FAT3: variants seen among roughly 807,000 people sequenced by gnomAD.
FAT3 encodes the protein FAT atypical cadherin 3.
In FAT3, 95 loss-of-function variants were observed where a neutral mutation model predicts 310.2. The observed-to-expected ratio is 0.31, with a 90% CI of 0.26 to 0.36. The LOEUF (loss-of-function observed/expected upper bound fraction) is 0.36. FAT3 is among the 10% of genes least tolerant of loss of function. The pLI, the probability that FAT3 is intolerant of heterozygous loss-of-function variation, is 1.00. For missense variants in FAT3, 5,408 were observed against 5,715.6 expected, an observed-to-expected ratio of 0.95 and a Z score of 1.74; for synonymous variants, 2,314 against 2,192.9, an observed-to-expected ratio of 1.06 and a Z score of -1.54.
chr11:92,270,665 G>A (rs1049083368), intron 1 of FAT3, among the ~76,000 whole-genome samples: 1 of 151,956 alleles, frequency 6.6e-6, no homozygotes, highest in African/African-American at 2.4e-5. Flanking sequence ...CAGCCTGGGG[G>A]ACAAGAGCAA....
intron 1 of FAT3, among the ~76,000 whole-genome samples, chr11:92,329,059 CTCT>C (rs2134525700): frequency 6.6e-6 from 1 of 151,482 alleles, no homozygotes; most frequent in Admixed American, 6.6e-5. Flanking sequence ...ATTCTAATCC[CTCT>C]TCTTTTATTT....
At chr11:92,266,310 A>G (rs1945947519) in intron 1 of FAT3, among the ~76,000 whole-genome samples, 1 of 152,126 alleles carries the variant, frequency 6.6e-6, no homozygotes, top group Non-Finnish European at 1.5e-5. Context: ...TACCCTCGAC[A>G]ATGTATTTTC....
intron 3 of FAT3, among the ~76,000 whole-genome samples, chr11:92,607,662 G>A (rs558479554): frequency 6.6e-6 from 1 of 152,208 alleles, no homozygotes; most frequent in African/African-American, 2.4e-5. Context: ...CAAATGCTGA[G>A]CATCCTTGTG....
intron 4 of FAT3, among the ~76,000 whole-genome samples, chr11:92,758,989 T>C (rs144072903): frequency 1.1e-3 from 174 of 152,236 alleles, no homozygotes; most frequent in African/African-American, 3.9e-3. Context: ...ATCCAGAAAG[T>C]AGATTACTAG....
intron 1 of FAT3, among the ~76,000 whole-genome samples, chr11:92,252,625 C>T (rs541810158): frequency 1.8e-4 from 28 of 152,276 alleles, no homozygotes; most frequent in African/African-American, 6.5e-4. Flanking sequence ...CCTTTCCTTA[C>T]ATTTTCTTTT....
chr11:92,309,266 G>A (rs1335411252), intron 1 of FAT3, among the ~76,000 whole-genome samples: 1 of 147,142 alleles, frequency 6.8e-6, no homozygotes, highest in African/African-American at 2.5e-5. Flanking sequence ...TTCCATATGT[G>A]GGTCACATCC....
At chr11:92,793,947 A>G (rs1460205770) in intron 9 of FAT3, among the ~76,000 whole-genome samples, 2 of 152,148 alleles carry the variant, frequency 1.3e-5, no homozygotes, top group African/African-American at 4.8e-5. Flanking sequence ...AAAAAAAAAA[A>G]GTTCTTTCAT....
intron 2 of FAT3, among the ~76,000 whole-genome samples, chr11:92,519,594 CT>C (rs1176611759): frequency 2.0e-5 from 3 of 151,982 alleles, no homozygotes; most frequent in Non-Finnish European, 4.4e-5. Context: ...AAGCCACAGA[CT>C]GGGGGGGAAG....
intron 3 of FAT3, among the ~76,000 whole-genome samples, chr11:92,650,220 GGTTATTT>G (rs1471720870): frequency 6.6e-6 from 1 of 151,894 alleles, no homozygotes; most frequent in African/African-American, 2.4e-5. Context: ...TGCTCTTGAG[GGTTATTT>G]GTTCTAGCCT....
intron 2 of FAT3, among the ~76,000 whole-genome samples, chr11:92,470,621 T>C (rs1269752657): frequency 6.6e-6 from 1 of 152,158 alleles, no homozygotes; most frequent in Non-Finnish European, 1.5e-5. Flanking sequence ...ACTTCTTGGG[T>C]TATTATTTTT....
intron 25 of FAT3, among the ~76,000 whole-genome samples, chr11:92,888,214 C>CA (rs1949839297): frequency 6.6e-6 from 1 of 152,196 alleles, no homozygotes; most frequent in African/African-American, 2.4e-5. Context: ...ACTGGGACAA[C>CA]AAATCACCTA....
chr11:92,324,938 C>G (rs1359732472), intron 1 of FAT3, among the ~76,000 whole-genome samples: 1 of 152,222 alleles, frequency 6.6e-6, no homozygotes, highest in Non-Finnish European at 1.5e-5. Context: ...TAACTGAAGA[C>G]TGACACCAGG....
At chr11:92,226,380 T>C (rs936679002) in intron 1 of FAT3, among the ~76,000 whole-genome samples, 3 of 151,956 alleles carry the variant, frequency 2.0e-5, no homozygotes, top group Non-Finnish European at 4.4e-5. Flanking sequence ...TTTTATTCAC[T>C]TTCCACCGTT....
At chr11:92,564,071 A>G (rs1211227852) in intron 3 of FAT3, among the ~76,000 whole-genome samples, 1 of 152,236 alleles carries the variant, frequency 6.6e-6, no homozygotes, top group Admixed American at 6.5e-5. Context: ...TAAATGCTCC[A>G]ATTAAAAGAC....
At chr11:92,605,474 G>A (rs35780232) in intron 3 of FAT3, among the ~76,000 whole-genome samples, 22,107 of 152,146 alleles carry the variant, frequency 0.15, 1,756 homozygotes, top group African/African-American at 0.18. Flanking sequence ...CCTAGGATAA[G>A]TAATTATTTG....
intron 19 of FAT3, among the ~76,000 whole-genome samples, chr11:92,851,224 C>T (rs1948822578): frequency 6.6e-6 from 1 of 152,136 alleles, no homozygotes; most frequent in Non-Finnish European, 1.5e-5. Flanking sequence ...AAAAGGACAA[C>T]AAGGGAAAAG....
chr11:92,468,314 G>C (rs994112341), intron 2 of FAT3, among the ~76,000 whole-genome samples: 2 of 152,134 alleles, frequency 1.3e-5, no homozygotes, highest in South Asian at 4.1e-4. Context: ...TTAGACAAAA[G>C]GACACATTTT....
At chr11:92,434,443 C>T (rs74871918) in intron 2 of FAT3, among the ~76,000 whole-genome samples, 2,760 of 152,214 alleles carry the variant, frequency 0.018, 82 homozygotes, top group African/African-American at 0.057. Context: ...TGCCATATTT[C>T]TGCATAAAAT....
intron 1 of FAT3, among the ~76,000 whole-genome samples, chr11:92,347,529 A>G (rs968070633): frequency 6.6e-6 from 1 of 152,194 alleles, no homozygotes; most frequent in East Asian, 1.9e-4. Context: ...TTATCAGGTT[A>G]CCAAAGCAAG....
Sources: gnomAD v4.1 joint callset for allele counts (sites outside exome capture counted in the v4.1 genomes callset) on GRCh38, gnomAD v4.1.1 for gene constraint, MANE v1.5 for transcripts, NCBI Gene and HGNC (gene_info 2026-07-23, HGNC 2026-07-21) for gene names.